Variants in MYO1D observed in about 807,000 individuals in gnomAD.
The protein encoded by MYO1D is myosin ID, also known as unconventional myosin-Id.
MYO1D carries 83 observed loss-of-function variants against 122.0 expected under a neutral mutation model. That is an observed-to-expected ratio of 0.68 (90% confidence interval 0.57 to 0.82). The LOEUF is 0.82. Among genes scored for constraint, MYO1D ranks in the 40% least tolerant of loss-of-function variants. The pLI is 0.00. For missense variants in MYO1D, 1,157 were observed against 1,269.5 expected, an observed-to-expected ratio of 0.91 and a Z score of 1.35; for synonymous variants, 464 against 446.9, an observed-to-expected ratio of 1.04 and a Z score of -0.48.
intron 21 of MYO1D, among the ~76,000 whole-genome samples, chr17:32,523,616 C>G (rs889111172): frequency 6.6e-6 from 1 of 152,018 alleles, no homozygotes; most frequent in African/African-American, 2.4e-5. Context: ...CAGTCCTAGC[C>G]TGGGCAACAT....
chr17:32,640,822 C>A (rs959350655), intron 19 of MYO1D, among the ~76,000 whole-genome samples: 1 of 151,950 alleles, frequency 6.6e-6, no homozygotes, highest in Non-Finnish European at 1.5e-5. Flanking sequence ...AAGTAAGGGT[C>A]CATGGACAAG....
chr17:32,633,027 ACTCATGGCTTAAAGAGGAACT>A (rs145136864), intron 20 of MYO1D, among the ~76,000 whole-genome samples: 6,717 of 152,098 alleles, frequency 0.044, 495 homozygotes, highest in African/African-American at 0.15. Context: ...CTACCAAACT[ACTCATGGCTTAAAGAGGAACT>A]CACAATGGAA....
intron 21 of MYO1D, among the ~76,000 whole-genome samples, chr17:32,573,446 T>A (rs1204574287): frequency 6.6e-6 from 1 of 152,184 alleles, no homozygotes; most frequent in African/African-American, 2.4e-5. Flanking sequence ...TTTTATTACC[T>A]TACTTTGCTG....
chr17:32,732,461 A>G (rs2089652425), intron 14 of MYO1D, among the ~76,000 whole-genome samples: 1 of 152,006 alleles, frequency 6.6e-6, no homozygotes, highest in South Asian at 2.1e-4. Flanking sequence ...GCTACCCACC[A>G]TGGGTCTCCT....
rs1353298467 is a variant in MYO1D at position 32,832,004 on chromosome 17, T to C, written c.95+44774A>G. On this transcript the variant is annotated intron_variant, in intron 1 of 21. Coordinates refer to ENST00000318217, the MANE Select transcript of MYO1D (RefSeq NM_015194.3). Reference sequence around the variant, plus strand: ...CTCATCTCAGCTCAGCTGTGTAATTTTGGTCATCATCTCACTAGGATTCTG... The same window carrying C: ...CTCATCTCAGCTCAGCTGTGTAATTCTGGTCATCATCTCACTAGGATTCTG... Among the ~76,000 whole-genome samples, 4 of 152,234 alleles carry C rather than the reference T, an allele frequency of 2.6e-5. 1 individual carries two copies. Among genetic ancestry groups the C allele is most frequent in the Admixed American group, 2.0e-4 (3 of 15,288 alleles).
chr17:32,677,990 T>TG (rs2088847407), intron 16 of MYO1D, among the ~76,000 whole-genome samples: 3 of 152,154 alleles, frequency 2.0e-5, no homozygotes, highest in Non-Finnish European at 4.4e-5. Context: ...AGCATAGACA[T>TG]AAACCCTGCT....
At position 32,567,948 on chromosome 17, in the gene MYO1D, A is replaced by G. The variant is rs183685109; in HGVS notation, c.2864+37139T>C. Among the ~76,000 whole-genome samples, 273 of 152,332 alleles carry G rather than the reference A, an allele frequency of 1.8e-3. 1 individual carries two copies. The highest frequency in any genetic ancestry group is 2.0e-3 in the Non-Finnish European group (138 of 68,030). ...GGTGCATTCAGTAGTTTCAGGAAAG[A>G]TGGCTGGGAAGTGTGGGTGGCTTGG... On this transcript the variant is annotated intron_variant, in intron 21 of 21. Coordinates refer to ENST00000318217, the MANE Select transcript of MYO1D (RefSeq NM_015194.3).
intron 16 of MYO1D, among the ~76,000 whole-genome samples, chr17:32,701,364 TC>T (rs1367446900): frequency 6.6e-6 from 1 of 152,168 alleles, no homozygotes; most frequent in Non-Finnish European, 1.5e-5. Context: ...TTTAGACTGT[TC>T]CAAAATACAG....
chr17:32,598,742 A>G (rs1453224396), intron 21 of MYO1D, among the ~76,000 whole-genome samples: 1 of 152,244 alleles, frequency 6.6e-6, no homozygotes, highest in East Asian at 1.9e-4. Context: ...TTACAATAGC[A>G]TCATGTCTAA....
chr17:32,646,221 T>A (rs1239561803), intron 19 of MYO1D, among the ~76,000 whole-genome samples: 1 of 152,228 alleles, frequency 6.6e-6, no homozygotes. Context: ...TGAAACCCTT[T>A]TTCAGCACCT....
intron 17 of MYO1D, among the ~76,000 whole-genome samples, chr17:32,655,191 T>C (rs193110102): frequency 1.3e-5 from 2 of 152,324 alleles, no homozygotes; most frequent in Admixed American, 1.3e-4. Flanking sequence ...CTCATAATAT[T>C]TATATTTAGG....
At chr17:32,660,513 C>G (rs1028285742) in intron 16 of MYO1D, among the ~76,000 whole-genome samples, 5 of 152,182 alleles carry the variant, frequency 3.3e-5, no homozygotes, top group Admixed American at 1.3e-4. Context: ...TAAAGTACAC[C>G]ATGTGCTTGC....
rs535512132 is a variant in MYO1D, at chr17:32,521,272, TCCTTAGAAA to T, written c.2865-26366_2865-26358del. Among the ~76,000 whole-genome samples the T allele has an allele frequency of 3.0e-4, 45 of 152,118 alleles. 1 individual carries two copies. The South Asian group carries it at 9.3e-3, about 32-fold the overall frequency. On this transcript the variant is annotated intron_variant, in intron 21 of 21. Transcript: ENST00000318217. The stretch of plus-strand genomic sequence containing the variant: ...TCCTGAACCATGACAACCAACCTAC[TCCTTAGAAA>T]CACACCTAAAATAGGGAAGAGAAGG...
chr17:32,684,878 T>A (rs1291042774), intron 16 of MYO1D, among the ~76,000 whole-genome samples: 1 of 152,216 alleles, frequency 6.6e-6, no homozygotes, highest in Non-Finnish European at 1.5e-5. Flanking sequence ...CATAAAAATT[T>A]CACTGAAAAT....
At chr17:32,817,687 T>C (rs148397251) in intron 1 of MYO1D, among the ~76,000 whole-genome samples, 170 of 152,328 alleles carry the variant, frequency 1.1e-3, no homozygotes, top group African/African-American at 4.0e-3. Flanking sequence ...AGTATAGTAA[T>C]AGCCAACACT....
At chr17:32,616,675 A>G (rs977329741) in intron 20 of MYO1D, among the ~76,000 whole-genome samples, 2 of 152,124 alleles carry the variant, frequency 1.3e-5, no homozygotes, top group Non-Finnish European at 2.9e-5. Flanking sequence ...GCGGGTAGAA[A>G]GTGGAGGATT....
chr17:32,516,401 A>T (rs561317065), intron 21 of MYO1D, among the ~76,000 whole-genome samples: 1 of 151,990 alleles, frequency 6.6e-6, no homozygotes, highest in African/African-American at 2.4e-5. Flanking sequence ...CTGCTCTCTT[A>T]TTTTTTATTT....
chr17:32,732,181 G>C (rs146437455), intron 14 of MYO1D, among the ~76,000 whole-genome samples: 1 of 152,218 alleles, frequency 6.6e-6, no homozygotes, highest in Non-Finnish European at 1.5e-5. Context: ...CCCTTGGCAC[G>C]AACAGTCTGG....
chr17:32,807,536 G>T (rs2090527132), intron 1 of MYO1D, among the ~76,000 whole-genome samples: 1 of 152,144 alleles, frequency 6.6e-6, no homozygotes, highest in African/African-American at 2.4e-5. Context: ...TAGTAAAGCA[G>T]GCTTATATCC....
Sources: gnomAD v4.1 joint callset for allele counts (sites outside exome capture counted in the v4.1 genomes callset) on GRCh38, gnomAD v4.1.1 for gene constraint, MANE v1.5 for transcripts, NCBI Gene and HGNC (gene_info 2026-07-23, HGNC 2026-07-21) for gene names.